Variants in EIF3M observed in about 807,000 individuals in gnomAD.
EIF3M encodes the protein B5 receptor.
A neutral mutation model predicts 49.7 loss-of-function variants in EIF3M; 25 were observed. The observed-to-expected ratio is 0.50, with a 90% CI of 0.37 to 0.70. EIF3M has a LOEUF of 0.70. Ranked by LOEUF, EIF3M falls within the 30% of genes least tolerant of loss-of-function variation. The pLI is 0.00. For synonymous variants in EIF3M, 156 were observed against 149.8 expected (o/e 1.04, Z -0.30); for missense variants, 350 against 440.0 (o/e 0.80, Z 1.83).
In EIF3M at chr11:32,605,823, T is replaced by C. The variant is rs1855342503; in HGVS notation, c.*3424T>C. The C allele has an allele frequency of 6.6e-6, 1 of 152,202 alleles. No homozygotes were observed. The highest frequency in any genetic ancestry group is 1.5e-5 in the Non-Finnish European group (1 of 68,026). 9.4% of individuals were successfully genotyped at this position (152,202 alleles called of 1,614,324 possible). On this transcript the variant is annotated 3_prime_UTR_variant, in exon 11 of 11. Coordinates refer to ENST00000531120, the MANE Select transcript of EIF3M (RefSeq NM_006360.6). ...TTTTAGTTCTAGCTGTTTTCAGATATATTGCCTTGTATCTTCGTTCTTTCG... is the reference window on the plus strand; with the variant it reads ...TTTTAGTTCTAGCTGTTTTCAGATACATTGCCTTGTATCTTCGTTCTTTCG...
At chr11:32,587,853 A>G (rs1365300405) in intron 2 of EIF3M, among the ~76,000 whole-genome samples, 2 of 152,226 alleles carry the variant, frequency 1.3e-5, no homozygotes, top group African/African-American at 4.8e-5. Flanking sequence ...GGCAGCACAT[A>G]TACAAAAAAA....
At chr11:32,601,957 A>G in intron 10 of EIF3M, 135 bp downstream of exon 10, 2 of 987,518 alleles carry the variant, frequency 2.0e-6, no homozygotes, top group Non-Finnish European at 3.0e-6. Flanking sequence ...TCATAATTTT[A>G]TTAAAGTTCA....
intron 5 of EIF3M, among the ~76,000 whole-genome samples, chr11:32,590,951 T>C (rs1339693096): frequency 1.3e-5 from 2 of 151,914 alleles, no homozygotes; most frequent in Non-Finnish European, 2.9e-5. Context: ...CCCGGGTTCA[T>C]GCCATTCTCC....
chr11:32,600,709 A>G lies in EIF3M; in HGVS notation c.820A>G (p.Met274Val), dbSNP rs371343128. 2.5e-6 allele frequency: 4 copies of G among 1,610,678 alleles called. No homozygotes were observed. Among genetic ancestry groups the G allele is most frequent in the Admixed American group, 3.3e-5 (2 of 59,770 alleles). The change falls in exon 9 of 11, where the codon ATG becomes GTG. Residue 274 changes from methionine (M) to valine (V), a missense_variant. Met to Val is a conservative substitution (Grantham distance 21, BLOSUM62 1). Coordinates refer to ENST00000531120, the MANE Select transcript of EIF3M (RefSeq NM_006360.6). ...DSLGLLHEQN[M>V]AKMRLLTFMG... Reference sequence around the variant, plus strand: ...TCTAGGCCTGTTACATGAACAGAATATGGCAAAAATGAGACTACTTACTTT... The same window carrying G: ...TCTAGGCCTGTTACATGAACAGAATGTGGCAAAAATGAGACTACTTACTTT...
In EIF3M at chr11:32,603,079, C is replaced by A; in HGVS notation, c.*680C>A. ...TATTATACAAAAGATTTTAAAGAGT[C>A]TGTAAAGCCTCTGCAGTTATGAGTA... On this transcript the variant is annotated 3_prime_UTR_variant, in exon 11 of 11. Coordinates refer to ENST00000531120, the MANE Select transcript of EIF3M (RefSeq NM_006360.6). The A allele has an allele frequency of 7.3e-7, 1 of 1,370,340 alleles. No individual in the cohort carries two copies. Among genetic ancestry groups the A allele is most frequent in the Non-Finnish European group, 1.0e-6 (1 of 992,326 alleles). 84.9% of individuals were successfully genotyped at this position (1,370,340 alleles called of 1,614,324 possible).
intron 5 of EIF3M, among the ~76,000 whole-genome samples, chr11:32,591,595 G>A (rs1024660246): frequency 3.9e-5 from 6 of 152,166 alleles, no homozygotes; most frequent in African/African-American, 1.2e-4. Flanking sequence ...CTGTAGCTAT[G>A]ACAGTCCTGA....
rs117957016 is a variant in EIF3M, at chr11:32,593,501, T to C, written c.534-365T>C. On this transcript the variant is annotated intron_variant, in intron 5 of 10. Coordinates refer to ENST00000531120, the MANE Select transcript of EIF3M (RefSeq NM_006360.6). Reference sequence around the variant, plus strand: ...GAAAGTCATCTTACCCCACCTTTCATGAACCCAGCTCTTTTCATGGCCAAG... The same window carrying C: ...GAAAGTCATCTTACCCCACCTTTCACGAACCCAGCTCTTTTCATGGCCAAG... 2.6e-3 allele frequency among the ~76,000 whole-genome samples: 398 copies of C among 152,320 alleles called. 4 individuals carry two copies. The East Asian group carries it at 0.028, about 11-fold the overall frequency.
Position 32,589,642 on chromosome 11 carries a change from G to T in EIF3M, c.533+1G>T, listed in dbSNP as rs750089425. 1 of 1,611,036 alleles carries T rather than the reference G, an allele frequency of 6.2e-7. No individual in the cohort carries two copies. Among genetic ancestry groups the T allele is most frequent in the Non-Finnish European group, 8.5e-7 (1 of 1,179,024 alleles). ...AGGCACTTGTGGATTGTAAGAAGAG[G>T]TATTCAAAAGTAATGAACTAACATA... On this transcript the variant is annotated splice_donor_variant, in intron 5 of 10. Coordinates refer to ENST00000531120, the MANE Select transcript of EIF3M (RefSeq NM_006360.6). LOFTEE classifies it high-confidence loss of function.
intron 3 of EIF3M, 90 bp downstream of exon 3, chr11:32,588,822 T>A: frequency 6.3e-7 from 1 of 1,579,742 alleles, no homozygotes; most frequent in Admixed American, 1.8e-5. Context: ...ATTCTGGAAC[T>A]TGACTCTCAG....
chr11:32,583,936 T>C lies in EIF3M; in HGVS notation c.42+7T>C, dbSNP rs758678326. 1.4e-5 allele frequency: 23 copies of C among 1,612,154 alleles called. No individual in the cohort carries two copies. In the South Asian group the frequency reaches 1.9e-4, roughly 13 times the overall value. On this transcript the variant is annotated splice_region_variant and intron_variant, in intron 1 of 10. Coordinates refer to ENST00000531120, the MANE Select transcript of EIF3M (RefSeq NM_006360.6). The stretch of plus-strand genomic sequence containing the variant: ...CATCAGTGAAGAAGATCAGGTGTGC[T>C]TCGGTCTACGGGTGCCGCCACGGTG...
intron 8 of EIF3M, among the ~76,000 whole-genome samples, chr11:32,600,011 TCTA>T (rs1420973496): frequency 6.6e-6 from 1 of 151,998 alleles, no homozygotes; most frequent in Non-Finnish European, 1.5e-5. Flanking sequence ...TGTGCAATTT[TCTA>T]CTTTTGTCTT....
chr11:32,585,486 A>G (rs1389634630), intron 1 of EIF3M, among the ~76,000 whole-genome samples: 1 of 152,196 alleles, frequency 6.6e-6, no homozygotes, highest in East Asian at 1.9e-4. Flanking sequence ...ATTAGAGTTA[A>G]ATGGAATTCT....
chr11:32,596,178 T>A, intron 8 of EIF3M, 131 bp downstream of exon 8: 1 of 616,122 alleles, frequency 1.6e-6, no homozygotes, highest in Non-Finnish European at 2.7e-6. Flanking sequence ...TCGTGTATGA[T>A]AGAACAGCAC....
At chr11:32,587,797 G>C (rs955618517) in intron 2 of EIF3M, among the ~76,000 whole-genome samples, 1 of 152,100 alleles carries the variant, frequency 6.6e-6, no homozygotes, top group African/African-American at 2.4e-5. Context: ...GTTGAGTTCG[G>C]AAATCTCTAG....
intron 2 of EIF3M, 23 bp from the exon 3 acceptor site, chr11:32,588,571 T>C (rs763565191): frequency 3.1e-6 from 5 of 1,608,184 alleles, no homozygotes; most frequent in Admixed American, 3.3e-5. Flanking sequence ...TCACTGTTGA[T>C]TGTGTTATCC....
At chr11:32,588,388 G>GGAAAAAAAAAAAAAAAAAAAAAA (rs1565046470) in intron 2 of EIF3M, among the ~76,000 whole-genome samples, 1 of 93,060 alleles carries the variant, frequency 1.1e-5, no homozygotes. Flanking sequence ...GACTTCATCT[G>GGAAAAAAAAAAAAAAAAAAAAAA]AAAAAAAAAA....
At chr11:32,601,693 T>G (rs1836274962) in intron 9 of EIF3M, 69 bp from the exon 10 acceptor site, 1 of 1,451,856 alleles carries the variant, frequency 6.9e-7, no homozygotes, top group Non-Finnish European at 9.5e-7. Flanking sequence ...TTGGTCACAG[T>G]TTTCATACCT....
Position 32,602,775 on chromosome 11 carries a change from G to A in EIF3M, c.*376G>A. ...TAGTAAAAACTATACCAGAATTTCA[G>A]TTACATAATTTCACTACTGAAAGCA... is the stretch of plus-strand genomic sequence containing the variant. On this transcript the variant is annotated 3_prime_UTR_variant, in exon 11 of 11. Transcript: ENST00000531120. The A allele has an allele frequency of 7.3e-7, 1 of 1,369,094 alleles. No individual in the cohort carries two copies. Among genetic ancestry groups the A allele is most frequent in the Non-Finnish European group, 1.0e-6 (1 of 1,003,234 alleles). The allele number at this position is 1,369,094 out of a possible 1,614,324, so 84.8% of individuals were successfully genotyped here.
chr11:32,587,909 T>C (rs1855025139), intron 2 of EIF3M, among the ~76,000 whole-genome samples: 2 of 152,224 alleles, frequency 1.3e-5, no homozygotes, highest in Non-Finnish European at 2.9e-5. Context: ...TACTTAAAAA[T>C]AACTAATTCA....
Sources: gnomAD v4.1 joint callset for allele counts (sites outside exome capture counted in the v4.1 genomes callset) on GRCh38, gnomAD v4.1.1 for gene constraint, MANE v1.5 for transcripts, NCBI Gene and HGNC (gene_info 2026-07-23, HGNC 2026-07-21) for gene names.